The following MAGED1 variants were observed in gnomAD, a reference collection of about 807,000 sequenced individuals.
The protein encoded by MAGED1 is melanoma-associated antigen D1.
Under a neutral mutation model 54.1 loss-of-function variants are expected in MAGED1, and 3 were observed. The observed-to-expected ratio is 0.06, with a 90% CI of 0.03 to 0.14. The LOEUF is 0.14. Ranked by LOEUF, MAGED1 falls within the 10% of genes least tolerant of loss-of-function variation. The pLI is 1.00. For missense variants in MAGED1, 485 were observed against 623.4 expected, an observed-to-expected ratio of 0.78 and a Z score of 2.36; for synonymous variants, 217 against 227.3, an observed-to-expected ratio of 0.95 and a Z score of 0.41.
upstream of MAGED1, among the ~76,000 whole-genome samples, chrX:51,892,225 G>A (rs1301449087): frequency 8.9e-6 from 1 of 112,723 alleles, no homozygotes; most frequent in African/African-American, 3.2e-5. Flanking sequence ...GCATAGCAGC[G>A]TGTGTGTCCT....
intron 1 of MAGED1, among the ~76,000 whole-genome samples, chrX:51,832,125 G>A (rs1286409529): frequency 1.8e-5 from 2 of 110,918 alleles, no homozygotes; most frequent in Non-Finnish European, 3.8e-5. Flanking sequence ...TCCGCCTTCC[G>A]GGCTCAGGTT....
chrX:51,865,063 T>C (rs1220490655), intron 1 of MAGED1, among the ~76,000 whole-genome samples: 1 of 112,596 alleles, frequency 8.9e-6, no homozygotes, highest in African/African-American at 3.2e-5. Context: ...CTTTTCAACA[T>C]TGAGTATGTT....
chrX:51,874,057 A>G (rs983259026), intron 1 of MAGED1, among the ~76,000 whole-genome samples: 1 of 111,466 alleles, frequency 9.0e-6, no homozygotes, highest in Non-Finnish European at 1.9e-5. Context: ...ACCAGTAGAG[A>G]AGGAGAGGTT....
intron 2 of MAGED1, 124 bp downstream of exon 2, chrX:51,894,473 C>A: frequency 1.2e-6 from 1 of 844,229 alleles, no homozygotes; most frequent in Non-Finnish European, 1.7e-6. Flanking sequence ...ACTCCGTGGG[C>A]TTTTCGAATT....
rs1928831653 is a variant in MAGED1, at chrX:51,897,903, G to A, written c.1658+17G>A. On this transcript the variant is annotated intron_variant, in intron 7 of 12. Transcript: ENST00000326587. The stretch of plus-strand genomic sequence containing the variant: ...ACTGGGAACGTAAGATGGGAAAGAA[G>A]GTGGAACATGGCCTTTCTCAGTGGT... 2.7e-6 allele frequency: 3 copies of A among 1,128,685 alleles called. No individual in the cohort carries two copies. The East Asian group carries it at 9.0e-5, about 34-fold the overall frequency. The allele number at this position is 1,128,685 out of a possible 1,213,427, so 93.0% of individuals were successfully genotyped here. A position where few individuals can be genotyped will look rare whatever the true frequency, so the allele number is the denominator to read the frequency against.
At chrX:51,902,077 G>T in intron 12 of MAGED1, 69 bp from the exon 13 acceptor site, 3 of 553,782 alleles carry the variant, frequency 5.4e-6, no homozygotes, top group Non-Finnish European at 5.5e-6. Context: ...AGCACTCTTT[G>T]GTATGTATAT....
rs1928554944 is a variant in MAGED1 at position 51,893,697 on chromosome X, T to A, written c.-95T>A. 8.8e-6 allele frequency: 1 copy of A among 113,144 alleles called. No homozygotes were observed. Among genetic ancestry groups the A allele is most frequent in the Admixed American group, 9.3e-5 (1 of 10,799 alleles). The allele number at this position is 113,144 out of a possible 1,213,427, so 9.3% of individuals were successfully genotyped here. A position where few individuals can be genotyped will look rare whatever the true frequency, so the allele number is the denominator to read the frequency against. On this transcript the variant is annotated 5_prime_UTR_variant, in exon 1 of 13. Transcript: ENST00000326587. ...TGAGAGCCGAGCCCAGCAATCCCGATCCTCTGAGTCGTGAAGAAGGGAGGC... is the reference window on the plus strand; with the variant it reads ...TGAGAGCCGAGCCCAGCAATCCCGAACCTCTGAGTCGTGAAGAAGGGAGGC...
chrX:51,892,911 C>A (rs1928499847), upstream of MAGED1, among the ~76,000 whole-genome samples: 1 of 111,315 alleles, frequency 9.0e-6, no homozygotes, highest in African/African-American at 3.3e-5. Flanking sequence ...CTTCCCAGGG[C>A]TGCTGTGACA....
At chrX:51,834,042 C>T (rs918751265) in intron 1 of MAGED1, among the ~76,000 whole-genome samples, 1 of 111,694 alleles carries the variant, frequency 9.0e-6, no homozygotes, top group African/African-American at 3.3e-5. Flanking sequence ...GAAATATATG[C>T]ATTCTTCTAC....
chrX:51,893,966 A>G (rs1243562448), intron 1 of MAGED1, among the ~76,000 whole-genome samples: 1 of 108,177 alleles, frequency 9.2e-6, no homozygotes, highest in Non-Finnish European at 1.9e-5. Flanking sequence ...CTGTACTGTT[A>G]GATGATTCCT....
chrX:51,901,798 G>A lies in MAGED1; in HGVS notation c.2205G>A (p.Trp735Ter). Residue 735 changes from tryptophan (W) to a stop codon, truncating the protein, a stop_gained, in exon 12 of 13, where the codon TGG (tryptophan) becomes TGA (stop). Transcript: ENST00000326587. LOFTEE classifies it high-confidence loss of function. ...GGTCCAGAATTCCATTTACCTTCTG[G>A]GCCAGATACCACCAGAATGCCCGCT... Reference protein sequence around the residue: ...DPWSRIPFTFWARYHQNARSR... With the variant: ...DPWSRIPFTF The A allele has an allele frequency of 8.3e-7, 1 of 1,211,459 alleles. No homozygotes were observed. Among genetic ancestry groups the A allele is most frequent in the Non-Finnish European group, 1.1e-6 (1 of 895,489 alleles).
intron 1 of MAGED1, among the ~76,000 whole-genome samples, chrX:51,815,285 C>T (rs1925376879): frequency 9.0e-6 from 1 of 110,624 alleles, no homozygotes; most frequent in Admixed American, 9.6e-5. Context: ...GGAGGTATTC[C>T]AGGAGAAGGC....
Position 51,832,269 on chromosome X carries a change from A to T in MAGED1, c.-37+29152A>T, listed in dbSNP as rs183693194. On this transcript the variant is annotated intron_variant, in intron 1 of 12. Transcript: ENST00000375772. ...GGTCTCGAACTCCTACGCTCAAGGG[A>T]TCTGCCCACCTTGGCCTCCCAAAGT... Among the ~76,000 whole-genome samples, 217 of 111,454 alleles carry T rather than the reference A, an allele frequency of 1.9e-3. 1 individual carries two copies. The highest frequency in any genetic ancestry group is 5.3e-3 in the Admixed American group (56 of 10,509).
At chrX:51,805,716 T>A (rs1557354998) in intron 1 of MAGED1, among the ~76,000 whole-genome samples, 1 of 108,921 alleles carries the variant, frequency 9.2e-6, no homozygotes, top group African/African-American at 3.3e-5. Context: ...GGACCTAGAT[T>A]CAACAACTGT....
intron 1 of MAGED1, among the ~76,000 whole-genome samples, chrX:51,868,632 G>A (rs782333326): frequency 1.8e-5 from 2 of 111,876 alleles, no homozygotes; most frequent in African/African-American, 3.2e-5. Flanking sequence ...TGAAAGACAA[G>A]AATTGTGCAT....
intron 1 of MAGED1, among the ~76,000 whole-genome samples, chrX:51,871,359 G>C (rs1557361546): frequency 9.2e-6 from 1 of 108,749 alleles, no homozygotes; most frequent in African/African-American, 3.4e-5. Flanking sequence ...TGCCATGTTG[G>C]TGTGCTGCAC....
At position 51,855,177 on chromosome X, in the gene MAGED1, T is replaced by C. The variant is rs564518890; in HGVS notation, c.-36-39092T>C. Among the ~76,000 whole-genome samples the C allele has an allele frequency of 1.2e-4, 13 of 112,057 alleles. No homozygotes were observed. The South Asian group carries it at 1.5e-3, about 13-fold the overall frequency. ...CAGCTTCTTTTCATTAAGTAAAAGT[T>C]ATGTTTTTCTGTGTATTATTTTTTA... is the stretch of plus-strand genomic sequence containing the variant. On this transcript the variant is annotated intron_variant, in intron 1 of 12. Coordinates refer to the MAGED1 transcript ENST00000375772.
intron 1 of MAGED1, among the ~76,000 whole-genome samples, chrX:51,849,095 T>C (rs1461953824): frequency 9.0e-6 from 1 of 110,937 alleles, no homozygotes; most frequent in Non-Finnish European, 1.9e-5. Flanking sequence ...AAAGAAATTC[T>C]ATTAGAAGAA....
intron 1 of MAGED1, among the ~76,000 whole-genome samples, chrX:51,853,808 A>G (rs1159436311): frequency 8.9e-6 from 1 of 112,439 alleles, no homozygotes; most frequent in Non-Finnish European, 1.9e-5. Context: ...AACTAGAAAC[A>G]TTTCTTATAA....
Sources: allele counts gnomAD v4.1 joint callset (sites outside exome capture counted in the v4.1 genomes callset), GRCh38; gene constraint gnomAD v4.1.1; transcripts MANE v1.5; gene names NCBI Gene and HGNC (gene_info 2026-07-23, HGNC 2026-07-21).